LINGO2: variants seen among roughly 807,000 people sequenced by gnomAD.
LINGO2 encodes the protein leucine-rich repeat and immunoglobulin-like domain-containing nogo receptor-interacting protein 2.
A neutral mutation model predicts 30.6 loss-of-function variants in LINGO2; 14 were observed. That is an observed-to-expected ratio of 0.46 (90% CI 0.30 to 0.72). The LOEUF is 0.72. Among genes scored for constraint, LINGO2 ranks in the 30% least tolerant of loss-of-function variants. The pLI is 0.07. For synonymous variants in LINGO2, 317 were observed against 288.5 expected, an observed-to-expected ratio of 1.10 and a Z score of -1.00; for missense variants, 729 against 751.7, an observed-to-expected ratio of 0.97 and a Z score of 0.35.
intron 2 of LINGO2, among the ~76,000 whole-genome samples, chr9:28,398,237 G>A (rs1245374848): frequency 6.6e-6 from 1 of 152,156 alleles, no homozygotes; most frequent in African/African-American, 2.4e-5. Context: ...CGGGGACTCT[G>A]TTACCTGACA....
the LINGO2 span, among the ~76,000 whole-genome samples, chr9:28,769,019 A>G: frequency 6.6e-6 from 1 of 152,120 alleles, no homozygotes; most frequent in Non-Finnish European, 1.5e-5. Context: ...TTCGTATTAT[A>G]CAAACAGTAG....
the LINGO2 span, among the ~76,000 whole-genome samples, chr9:29,042,326 G>A: frequency 2.0e-5 from 3 of 151,860 alleles, no homozygotes; most frequent in Admixed American, 6.6e-5. Flanking sequence ...TTGCAACCCC[G>A]AAATTGCACT....
intron 4 of LINGO2, among the ~76,000 whole-genome samples, chr9:28,103,834 A>G (rs1826488195): frequency 1.3e-5 from 2 of 152,158 alleles, no homozygotes; most frequent in African/African-American, 4.8e-5. Flanking sequence ...AACTCTTTTG[A>G]ATACCCAGAG....
intron 2 of LINGO2, among the ~76,000 whole-genome samples, chr9:28,458,034 T>A (rs1316951562): frequency 6.6e-6 from 1 of 152,186 alleles, no homozygotes; most frequent in African/African-American, 2.4e-5. Flanking sequence ...TTTCTTTCAA[T>A]GCTGTTCTGC....
chr9:29,020,707 G>A, the LINGO2 span, among the ~76,000 whole-genome samples: 1 of 152,072 alleles, frequency 6.6e-6, no homozygotes, highest in Non-Finnish European at 1.5e-5. Context: ...TAAGAATAGA[G>A]CTGGAGCTGA....
At chr9:29,063,237 G>C in the LINGO2 span, among the ~76,000 whole-genome samples, 1 of 152,004 alleles carries the variant, frequency 6.6e-6, no homozygotes. Context: ...ATTCCAAAGG[G>C]GGAAAACAAA....
At chr9:28,641,986 A>C (rs1220887372) in intron 1 of LINGO2, among the ~76,000 whole-genome samples, 1 of 150,964 alleles carries the variant, frequency 6.6e-6, no homozygotes, top group Admixed American at 6.6e-5. Flanking sequence ...ATTCATTCTC[A>C]CATATGCTCT....
chr9:28,809,327 A>G, the LINGO2 span, among the ~76,000 whole-genome samples: 2 of 152,194 alleles, frequency 1.3e-5, no homozygotes, highest in Non-Finnish European at 2.9e-5. Context: ...ATTTCTACAA[A>G]TCATGTCTCT....
At chr9:28,950,151 T>C in the LINGO2 span, among the ~76,000 whole-genome samples, 2 of 152,212 alleles carry the variant, frequency 1.3e-5, no homozygotes, top group Non-Finnish European at 2.9e-5. Context: ...AAGCACATGA[T>C]TATTTCAGTA....
At chr9:27,960,143 T>C (rs1287664446) in intron 5 of LINGO2, among the ~76,000 whole-genome samples, 1 of 152,112 alleles carries the variant, frequency 6.6e-6, no homozygotes, top group East Asian at 1.9e-4. Context: ...AGGAGAATAT[T>C]CAAGAGAACG....
rs765051334 is a variant in LINGO2 at position 27,949,516 on chromosome 9, C to A, written c.1156G>T (p.Asp386Tyr). 6 of 1,614,100 alleles carry A rather than the reference C, an allele frequency of 3.7e-6. No homozygotes were observed. In the Admixed American group the frequency reaches 5.0e-5, roughly 13 times the overall value. ...TTGAAAGACCTCTCACGGATGGTGT[C>A]TGGGCCAGCACACATAGGTTGCTGG... Residue 386 changes from aspartate to tyrosine, a missense_variant, in exon 6 of 6, where the codon GAC becomes TAC. Asp to Tyr is a radical substitution (Grantham distance 160). Transcript: ENST00000379992.
the LINGO2 span, among the ~76,000 whole-genome samples, chr9:29,110,898 C>A: frequency 5.1e-4 from 77 of 151,528 alleles, no homozygotes; most frequent in African/African-American, 1.8e-3. Context: ...ACCGTGTTCG[C>A]CCAGATGCTC....
the LINGO2 span, among the ~76,000 whole-genome samples, chr9:28,784,959 A>C: frequency 3.3e-5 from 5 of 151,202 alleles, no homozygotes; most frequent in Non-Finnish European, 7.4e-5. Flanking sequence ...AAAAAAAAAA[A>C]AAGAATTGCA....
the LINGO2 span, among the ~76,000 whole-genome samples, chr9:29,146,112 A>G: frequency 6.6e-6 from 1 of 152,180 alleles, no homozygotes; most frequent in African/African-American, 2.4e-5. Flanking sequence ...TGAATAATAA[A>G]GCTGCACTAG....
At chr9:28,042,403 GAA>G (rs1212472165) in intron 4 of LINGO2, among the ~76,000 whole-genome samples, 1 of 152,150 alleles carries the variant, frequency 6.6e-6, no homozygotes, top group African/African-American at 2.4e-5. Context: ...GGAAAAAGAT[GAA>G]AAAGTCACTG....
intron 5 of LINGO2, among the ~76,000 whole-genome samples, chr9:27,981,527 A>G (rs1419672356): frequency 7.5e-6 from 1 of 132,566 alleles, no homozygotes; most frequent in Admixed American, 7.7e-5. Context: ...ATAAATGACG[A>G]GGATGGCAAA....
the LINGO2 span, among the ~76,000 whole-genome samples, chr9:29,152,257 T>C: frequency 6.6e-6 from 1 of 152,052 alleles, no homozygotes; most frequent in African/African-American, 2.4e-5. Flanking sequence ...TTTAGCAACT[T>C]TTCAAAGATT....
At chr9:28,770,077 A>AT in the LINGO2 span, among the ~76,000 whole-genome samples, 1 of 151,472 alleles carries the variant, frequency 6.6e-6, no homozygotes, top group Non-Finnish European at 1.5e-5. Flanking sequence ...CTTTGACTTC[A>AT]TTTTTTCGGT....
At chr9:28,757,807 A>G in the LINGO2 span, among the ~76,000 whole-genome samples, 2 of 151,958 alleles carry the variant, frequency 1.3e-5, no homozygotes, top group African/African-American at 4.8e-5. Flanking sequence ...AAGAGGCCAC[A>G]ACCTCCCAAG....
Sources: allele counts gnomAD v4.1 joint callset (sites outside exome capture counted in the v4.1 genomes callset), GRCh38; gene constraint gnomAD v4.1.1; transcripts MANE v1.5; gene names NCBI Gene and HGNC (gene_info 2026-07-23, HGNC 2026-07-21).